KPNA7: variants seen among roughly 807,000 people sequenced by gnomAD.
The protein encoded by KPNA7 is karyopherin subunit alpha 7.
A neutral mutation model predicts 53.7 loss-of-function variants in KPNA7; 54 were observed. That is an observed-to-expected ratio of 1.01 (90% confidence interval 0.81 to 1.26). The LOEUF (loss-of-function observed/expected upper bound fraction) is 1.26. KPNA7 is among the 50% of genes most tolerant of loss of function. KPNA7 has a pLI of 0.00. For synonymous variants in KPNA7, 276 were observed against 259.3 expected (o/e 1.06, Z -0.62); for missense variants, 640 against 644.5 (o/e 0.99, Z 0.07).
the KPNA7 span, among the ~76,000 whole-genome samples, chr7:99,163,569 T>C: frequency 1.3e-5 from 2 of 150,386 alleles, no homozygotes; most frequent in Admixed American, 1.3e-4. Context: ...TTTATTTTTA[T>C]AGAGATGGAG....
the KPNA7 span, among the ~76,000 whole-genome samples, chr7:99,151,428 T>A: frequency 6.6e-6 from 1 of 151,518 alleles, no homozygotes; most frequent in East Asian, 1.9e-4. Flanking sequence ...TGTAGAATAG[T>A]AAGCAAACTG....
intron 1 of KPNA7, among the ~76,000 whole-genome samples, chr7:99,214,804 T>C (rs1039690575): frequency 3.4e-5 from 5 of 147,138 alleles, no homozygotes; most frequent in African/African-American, 1.3e-4. Context: ...ACTTAACACA[T>C]GGGGTGAGAT....
chr7:99,184,928 C>G lies in KPNA7; in HGVS notation c.1134+1G>C, dbSNP rs953759927. On this transcript the variant is annotated splice_donor_variant, in intron 8 of 10. Transcript: ENST00000327442. LOFTEE classifies it high-confidence loss of function. Reference sequence around the variant, plus strand: ...CCATGGTTGCTGTGTGCGCCACTTACGTTTTTTAGCAGAGCCACCAAGGGA... The same window carrying G: ...CCATGGTTGCTGTGTGCGCCACTTAGGTTTTTTAGCAGAGCCACCAAGGGA... 13 of 1,551,668 alleles carry G rather than the reference C, an allele frequency of 8.4e-6. No homozygotes were observed. In the African/African-American group the frequency reaches 9.6e-5, roughly 11 times the overall value.
chr7:99,211,450 TG>T (rs1791069603), upstream of KPNA7, among the ~76,000 whole-genome samples: 1 of 152,058 alleles, frequency 6.6e-6, no homozygotes, highest in African/African-American at 2.4e-5. Flanking sequence ...CCAAGACTGA[TG>T]TTGTAAGAAG....
At chr7:99,194,709 T>C (rs111897968) in intron 5 of KPNA7, among the ~76,000 whole-genome samples, 133 of 152,328 alleles carry the variant, frequency 8.7e-4, no homozygotes, top group Non-Finnish European at 1.6e-3. Flanking sequence ...GTTCAAGCGA[T>C]TCTCCTGCCT....
chr7:99,212,370 C>A (rs12705050), upstream of KPNA7, among the ~76,000 whole-genome samples: 9,236 of 150,626 alleles, frequency 0.061, 316 homozygotes, highest in South Asian at 0.15. Flanking sequence ...CAGCCTCCCA[C>A]GTAGCTGGGA....
At chr7:99,178,943 C>A (rs548168734) in intron 9 of KPNA7, among the ~76,000 whole-genome samples, 1 of 151,780 alleles carries the variant, frequency 6.6e-6, no homozygotes, top group Non-Finnish European at 1.5e-5. Context: ...CCATGCCAGG[C>A]TTTTTTGTAT....
the KPNA7 span, among the ~76,000 whole-genome samples, chr7:99,146,341 T>C: frequency 6.6e-6 from 1 of 152,186 alleles, no homozygotes; most frequent in African/African-American, 2.4e-5. Context: ...GTTCATTCAT[T>C]AACAAGTACA....
At chr7:99,186,363 C>T (rs919652436) in intron 7 of KPNA7, among the ~76,000 whole-genome samples, 4 of 152,174 alleles carry the variant, frequency 2.6e-5, no homozygotes, top group South Asian at 2.1e-4. Context: ...TTTTCCTAGC[C>T]TATTAGGCTA....
intron 9 of KPNA7, among the ~76,000 whole-genome samples, chr7:99,178,430 G>T (rs766764189): frequency 6.6e-6 from 1 of 151,948 alleles, no homozygotes; most frequent in Non-Finnish European, 1.5e-5. Flanking sequence ...TTAGTTGGGC[G>T]TGGTGGCAGG....
At position 99,203,323 on chromosome 7, in the gene KPNA7, C is replaced by T. The variant is rs968694393; in HGVS notation, c.67-83G>A. The T allele has an allele frequency of 2.8e-6, 4 of 1,408,826 alleles. No homozygotes were observed. In the African/African-American group the frequency reaches 4.3e-5, roughly 15 times the overall value. The allele number at this position is 1,408,826 out of a possible 1,614,324, so 87.3% of individuals were successfully genotyped here. A position where few individuals can be genotyped will look rare whatever the true frequency, so the allele number is the denominator to read the frequency against. ...TCTGTCAAACATGTTTCAAAGCATC[C>T]AATTTCATTTTTACAGATACAATAG... On this transcript the variant is annotated intron_variant, in intron 2 of 10. Coordinates refer to ENST00000327442, the MANE Select transcript of KPNA7 (RefSeq NM_001145715.3).
chr7:99,189,220 TTTCTAATC>T (rs1789808176), intron 6 of KPNA7, among the ~76,000 whole-genome samples: 1 of 152,194 alleles, frequency 6.6e-6, no homozygotes, highest in Non-Finnish European at 1.5e-5. Flanking sequence ...CATCCCCAGA[TTTCTAATC>T]TTCTAATTGA....
the KPNA7 span, among the ~76,000 whole-genome samples, chr7:99,159,672 C>T: frequency 2.6e-5 from 4 of 152,304 alleles, no homozygotes; most frequent in African/African-American, 9.6e-5. Context: ...TCTAAAAGGA[C>T]TTTATTTCTA....
At chr7:99,181,141 C>CTCTCTCTCCGTCTGTG (rs1799245853) in intron 9 of KPNA7, among the ~76,000 whole-genome samples, 1 of 110,952 alleles carries the variant, frequency 9.0e-6, no homozygotes, top group African/African-American at 3.3e-5. Context: ...CCGTCTGTGT[C>CTCTCTCTCCGTCTGTG]TCTCTCTCCG....
rs1418881508 is a variant in KPNA7 at position 99,180,699 on chromosome 7, GTC to G, written c.1317+1182_1317+1183del. 8.2e-3 allele frequency among the ~76,000 whole-genome samples: 389 copies of G among 47,728 alleles called. 11 individuals are homozygous for G. Among genetic ancestry groups the G allele is most frequent in the Middle Eastern group, 0.019 (1 of 54 alleles). The allele number at this position is 47,728 out of a possible 152,430, so 31.3% of individuals were successfully genotyped here. On this transcript the variant is annotated intron_variant, in intron 9 of 10. Transcript: ENST00000327442. Reference sequence around the variant, plus strand: ...TGTCTCTCTCCCCGTCTGTGTCTCTGTCTGTGTCTCTCTCTCTCTCCGTCTGT... The same window carrying G: ...TGTCTCTCTCCCCGTCTGTGTCTCTGTGTGTCTCTCTCTCTCTCCGTCTGT...
chr7:99,181,139 GTCTCTCTCTCCGTCTGTGTC>G (rs1799245555), intron 9 of KPNA7, among the ~76,000 whole-genome samples: 1 of 11,224 alleles, frequency 8.9e-5, no homozygotes, highest in Non-Finnish European at 2.8e-4. Flanking sequence ...CTCCGTCTGT[GTCTCTCTCTCCGTCTGTGTC>G]TCTCTCTCCG....
upstream of KPNA7, among the ~76,000 whole-genome samples, chr7:99,211,863 T>C (rs1309808667): frequency 6.6e-6 from 1 of 152,168 alleles, no homozygotes; most frequent in East Asian, 1.9e-4. Context: ...AATTAGTTCC[T>C]GGAATTGACC....
the KPNA7 span, among the ~76,000 whole-genome samples, chr7:99,161,497 T>C: frequency 1.3e-5 from 2 of 152,198 alleles, no homozygotes; most frequent in Admixed American, 6.5e-5. Flanking sequence ...TAAAAGACCT[T>C]GAGAGCCAGA....
downstream of KPNA7, among the ~76,000 whole-genome samples, chr7:99,172,728 C>T (rs1798791553): frequency 6.6e-6 from 1 of 152,036 alleles, no homozygotes; most frequent in Non-Finnish European, 1.5e-5. Flanking sequence ...AACACTGTCC[C>T]TGCAGCACTA....
Sources: gnomAD v4.1 joint callset for allele counts (sites outside exome capture counted in the v4.1 genomes callset) on GRCh38, gnomAD v4.1.1 for gene constraint, MANE v1.5 for transcripts, NCBI Gene and HGNC (gene_info 2026-07-23, HGNC 2026-07-21) for gene names.